EPB41L2: variants seen among roughly 807,000 people sequenced by gnomAD.
EPB41L2 encodes band 4.1-like protein 2.
In EPB41L2, 43 loss-of-function variants were observed where a neutral mutation model predicts 113.0. The ratio of observed to expected loss-of-function variants is 0.38; its 90% CI spans 0.30 to 0.49. The LOEUF is 0.49. EPB41L2 is among the 20% of genes least tolerant of loss of function. The pLI is 0.95. For synonymous variants in EPB41L2, 442 were observed against 436.7 expected (o/e 1.01, Z -0.15); for missense variants, 1,147 against 1,223.4 (o/e 0.94, Z 0.93).
chr6:130,843,541 C>T (rs921308199), intron 19 of EPB41L2, among the ~76,000 whole-genome samples: 1 of 152,218 alleles, frequency 6.6e-6, no homozygotes, highest in Non-Finnish European at 1.5e-5. Context: ...CACTTTTACA[C>T]TATCACAGGT....
At chr6:130,870,416 A>C in intron 14 of EPB41L2, 1 of 1,549,914 alleles carries the variant, frequency 6.5e-7, no homozygotes, top group Non-Finnish European at 8.7e-7. Context: ...ACACAAAATC[A>C]ATACAGTTTT....
chr6:131,036,274 A>G (rs1793286088), intron 1 of EPB41L2, among the ~76,000 whole-genome samples: 1 of 152,180 alleles, frequency 6.6e-6, no homozygotes, highest in African/African-American at 2.4e-5. Context: ...AAGTCAGGAA[A>G]CGATCCCCTA....
chr6:130,905,397 ATG>A (rs1418530649), intron 5 of EPB41L2, among the ~76,000 whole-genome samples: 1 of 151,714 alleles, frequency 6.6e-6, no homozygotes, highest in African/African-American at 2.4e-5. Flanking sequence ...AATTAAAAAA[ATG>A]TGTGTGTGTA....
intron 18 of EPB41L2, among the ~76,000 whole-genome samples, chr6:130,861,509 G>A (rs1782041585): frequency 6.6e-6 from 1 of 152,144 alleles, no homozygotes; most frequent in Non-Finnish European, 1.5e-5. Context: ...CTCATTACAG[G>A]CTTAAAGGAG....
chr6:130,872,287 G>T (rs1470701634), intron 14 of EPB41L2: 3 of 1,075,310 alleles, frequency 2.8e-6, no homozygotes, highest in African/African-American at 3.3e-5. Flanking sequence ...AAGCACTGGA[G>T]GGAATGGTGC....
chr6:131,030,152 A>G (rs1176701564), intron 1 of EPB41L2, among the ~76,000 whole-genome samples: 1 of 152,152 alleles, frequency 6.6e-6, no homozygotes, highest in Non-Finnish European at 1.5e-5. Context: ...CTCAAGAATA[A>G]AGTCGGCAAG....
chr6:130,856,922 C>A (rs987824642), intron 19 of EPB41L2, among the ~76,000 whole-genome samples: 4 of 151,984 alleles, frequency 2.6e-5, no homozygotes, highest in Non-Finnish European at 4.4e-5. Flanking sequence ...AAATATAATA[C>A]TCTGGTTTCT....
intron 1 of EPB41L2, among the ~76,000 whole-genome samples, chr6:130,963,366 AT>A (rs941476785): frequency 2.6e-5 from 4 of 152,238 alleles, no homozygotes; most frequent in Non-Finnish European, 5.9e-5. Flanking sequence ...TTGTCAAAGT[AT>A]TCCATTTTTT....
chr6:131,040,751 G>C (rs932203650), intron 1 of EPB41L2, among the ~76,000 whole-genome samples: 3 of 152,150 alleles, frequency 2.0e-5, no homozygotes, highest in Admixed American at 2.0e-4. Context: ...TGTGGTGCCT[G>C]ATATGAAGCA....
Position 130,890,447 on chromosome 6 carries a change from G to A in EPB41L2, c.1507C>T (p.Pro503Ser). 1 of 1,609,344 alleles carries A rather than the reference G, an allele frequency of 6.2e-7. No homozygotes were observed. Among genetic ancestry groups the A allele is most frequent in the Middle Eastern group, 1.7e-4 (1 of 5,976 alleles). The change falls in exon 11 of 20, where the codon CCA (proline) becomes TCA (serine). Residue 503 changes from proline to serine, a missense_variant. Physicochemically the swap from Pro to Ser is moderately conservative, Grantham distance 74. Coordinates refer to ENST00000337057, the MANE Select transcript of EPB41L2 (RefSeq NM_001431.4). Reference sequence around the variant, plus strand: ...AAGGTCAGGAACTTGGCTTTTGGTGGCTGCTCTGGAGAAACAAGCCTATGG... The same window carrying A: ...AAGGTCAGGAACTTGGCTTTTGGTGACTGCTCTGGAGAAACAAGCCTATGG... ...TFYRLVSPEQ[P>S]PKAKFLTLGS...
intron 19 of EPB41L2, among the ~76,000 whole-genome samples, chr6:130,853,522 T>G (rs1005832491): frequency 1.3e-5 from 2 of 152,224 alleles, no homozygotes; most frequent in African/African-American, 4.8e-5. Context: ...GAAAGGACAT[T>G]AAAAAGTTAC....
At chr6:130,970,823 A>G (rs937430054) in intron 1 of EPB41L2, among the ~76,000 whole-genome samples, 4 of 152,136 alleles carry the variant, frequency 2.6e-5, no homozygotes, top group South Asian at 4.1e-4. Flanking sequence ...CAACTCATCA[A>G]TTGGAATGTG....
At chr6:131,003,717 C>T (rs1176593829) in intron 1 of EPB41L2, among the ~76,000 whole-genome samples, 2 of 152,158 alleles carry the variant, frequency 1.3e-5, no homozygotes, top group Non-Finnish European at 2.9e-5. Context: ...TACACACATG[C>T]CCAGAATTGG....
intron 5 of EPB41L2, among the ~76,000 whole-genome samples, chr6:130,907,615 T>A (rs1048888848): frequency 1.3e-5 from 2 of 151,406 alleles, no homozygotes; most frequent in African/African-American, 4.9e-5. Flanking sequence ...AAAAGAAAGA[T>A]GAGTCTACAG....
At chr6:130,951,312 C>CTTTTTTTTT (rs34082234) in intron 3 of EPB41L2, among the ~76,000 whole-genome samples, 1 of 50,816 alleles carries the variant, frequency 2.0e-5, no homozygotes, top group Non-Finnish European at 3.1e-5. Flanking sequence ...AGCCTCAGTA[C>CTTTTTTTTT]TTTTTTTTTT....
chr6:130,911,918 G>C (rs1011234698), intron 4 of EPB41L2, among the ~76,000 whole-genome samples: 3 of 152,080 alleles, frequency 2.0e-5, no homozygotes, highest in East Asian at 1.9e-4. Flanking sequence ...CCCATCCCAC[G>C]GACTGGTACC....
chr6:131,057,606 C>T (rs982547342), intron 1 of EPB41L2, among the ~76,000 whole-genome samples: 3 of 152,096 alleles, frequency 2.0e-5, no homozygotes, highest in Admixed American at 6.6e-5. Context: ...GGTCTGGAAA[C>T]GTAAATACAA....
At chr6:130,880,044 CCGTGCT>C (rs1429694704) in intron 13 of EPB41L2, 94 bp downstream of exon 13, 2 of 822,466 alleles carry the variant, frequency 2.4e-6, no homozygotes, top group African/African-American at 3.4e-5. Context: ...ACTGCATGCA[CCGTGCT>C]TGAAGAACAT....
intron 18 of EPB41L2, among the ~76,000 whole-genome samples, chr6:130,862,322 G>A (rs549828372): frequency 6.6e-6 from 1 of 152,268 alleles, no homozygotes; most frequent in Non-Finnish European, 1.5e-5. Context: ...AGAAACAATG[G>A]CTGGGAGAAG....
Sources: allele counts gnomAD v4.1 joint callset (sites outside exome capture counted in the v4.1 genomes callset), GRCh38; gene constraint gnomAD v4.1.1; transcripts MANE v1.5; gene names NCBI Gene and HGNC (gene_info 2026-07-23, HGNC 2026-07-21).